The following ARHGEF40 variants were observed in gnomAD, a reference collection of about 807,000 sequenced individuals.
The protein encoded by ARHGEF40 is Rho guanine nucleotide exchange factor (GEF) 40.
Under a neutral mutation model 165.9 loss-of-function variants are expected in ARHGEF40, and 98 were observed. The observed-to-expected ratio is 0.59, with a 90% confidence interval of 0.50 to 0.70. ARHGEF40 has a LOEUF of 0.70. ARHGEF40 is among the 30% of genes least tolerant of loss of function. The probability of loss-of-function intolerance (pLI) is 0.00; values close to 1 mark genes in which losing one functional copy is unlikely to be tolerated. For missense variants in ARHGEF40, 1,815 were observed against 1,968.0 expected, an observed-to-expected ratio of 0.92 and a Z score of 1.47; for synonymous variants, 792 against 814.3, an observed-to-expected ratio of 0.97 and a Z score of 0.47.
At position 21,074,881 on chromosome 14, in the gene ARHGEF40, G is replaced by A. The variant is rs140605954; in HGVS notation, c.1151G>A (p.Arg384Gln). ...GGCAAAGGAAACAGAAGAAAGAAGCGAGCTGCAGGTCGAGGGGCTCTTAGC... is the reference window on the plus strand; with the variant it reads ...GGCAAAGGAAACAGAAGAAAGAAGCAAGCTGCAGGTCGAGGGGCTCTTAGC... ...RTGKGNRRKK[R>Q]AAGRGALSRG... Residue 384 changes from arginine to glutamine, a missense_variant, in exon 3 of 24, where the codon CGA becomes CAA. Coordinates refer to ENST00000298694, the MANE Select transcript of ARHGEF40 (RefSeq NM_018071.5). This position sits in a 1 kb window ranked among gnomAD's most constrained non-coding sequence, Gnocchi z 4.8. 3.2e-5 allele frequency: 51 copies of A among 1,610,810 alleles called. No individual in the cohort carries two copies. In the African/African-American group the frequency reaches 5.2e-4, roughly 16 times the overall value.
Position 21,075,309 on chromosome 14 carries a change from T to A in ARHGEF40, c.1451-23T>A. 6.2e-7 allele frequency: 1 copy of A among 1,612,958 alleles called. No homozygotes were observed. The highest frequency in any genetic ancestry group is 1.3e-5 in the African/African-American group (1 of 74,990). On this transcript the variant is annotated intron_variant, in intron 3 of 23. Coordinates refer to ENST00000298694, the MANE Select transcript of ARHGEF40 (RefSeq NM_018071.5). The surrounding 1 kb of genome is among the most constrained non-coding windows in gnomAD (Gnocchi z 4.5). ...CAGAACCATCTTAACTTCAGTCCCA[T>A]GTTTCTGTCTGTGTCTGTGCAGGAC...
intron 8 of ARHGEF40, 145 bp from the exon 9 acceptor site, chr14:21,078,032 T>A: frequency 1.5e-6 from 1 of 670,944 alleles, no homozygotes; most frequent in Non-Finnish European, 2.4e-6. Flanking sequence ...CTGCCCAACC[T>A]CATACAATTA....
chr14:21,080,965 G>A lies in ARHGEF40; in HGVS notation c.2589G>A (p.Gln863=), dbSNP rs757555369. Reference sequence around the variant, plus strand: ...ATATCTTTGAACAGCGGCTGGAGCAGGTTGAGAGTGGCCTCCATCGGGCCC... The same window carrying A: ...ATATCTTTGAACAGCGGCTGGAGCAAGTTGAGAGTGGCCTCCATCGGGCCC... ...VLDIFEQRLE[Q]VESGLHRALR... is the part of the protein sequence containing the mutation. Residue 863 remains glutamine, a synonymous_variant, in exon 13 of 24, where the codon CAG becomes CAA. Transcript: ENST00000298694. 6.2e-7 allele frequency: 1 copy of A among 1,614,240 alleles called. No homozygotes were observed. The highest frequency in any genetic ancestry group is 8.5e-7 in the Non-Finnish European group (1 of 1,180,042).
intron 18 of ARHGEF40, 76 bp downstream of exon 18, chr14:21,084,999 T>A (rs1293544949): frequency 6.4e-7 from 1 of 1,551,048 alleles, no homozygotes; most frequent in African/African-American, 1.4e-5. Flanking sequence ...TTCTGGAAAT[T>A]CAGCCCCAAC....
rs1887203114 is a variant in ARHGEF40, at chr14:21,074,162, A to G, written c.432A>G (p.Leu144=). The change falls in exon 3 of 24, where the codon CTA becomes CTG. Residue 144 remains leucine, a synonymous_variant. Transcript: ENST00000298694. The surrounding 1 kb of genome is among the most constrained non-coding windows in gnomAD (Gnocchi z 4.8). ...VPVPNEACAY[L]FTPEWLQGIN... The stretch of plus-strand genomic sequence containing the variant: ...TGCCCAATGAGGCTTGTGCCTACCT[A>G]TTCACACCTGAGTGGCTACAAGGCA... 6.2e-7 allele frequency: 1 copy of G among 1,613,868 alleles called. No individual in the cohort carries two copies. The highest frequency in any genetic ancestry group is 1.3e-5 in the African/African-American group (1 of 74,874).
At position 21,075,828 on chromosome 14, in the gene ARHGEF40, T is replaced by C; in HGVS notation, c.1739+63T>C. ...CTCCTGATTCATGAGGACCCTCACC[T>C]CCTTCTTCTCAGGACACTGACCTTC... is the stretch of plus-strand genomic sequence containing the variant. On this transcript the variant is annotated intron_variant, in intron 5 of 23. Coordinates refer to ENST00000298694, the MANE Select transcript of ARHGEF40 (RefSeq NM_018071.5). The surrounding 1 kb of genome is among the most constrained non-coding windows in gnomAD (Gnocchi z 4.5). The C allele has an allele frequency of 1.3e-6, 2 of 1,571,416 alleles. No homozygotes were observed. The highest frequency in any genetic ancestry group is 8.6e-7 in the Non-Finnish European group (1 of 1,156,294).
At position 21,074,653 on chromosome 14, in the gene ARHGEF40, AG is replaced by A. The variant is rs748624386; in HGVS notation, c.927del (p.Ser310AlafsTer41). On this transcript the variant is annotated frameshift_variant, in exon 3 of 24. Coordinates refer to ENST00000298694, the MANE Select transcript of ARHGEF40 (RefSeq NM_018071.5). LOFTEE classifies it high-confidence loss of function. This position sits in a 1 kb window ranked among gnomAD's most constrained non-coding sequence, Gnocchi z 4.8. ...CAGGATGGAGCACGCCCACCCGGCG[AG>A]GGGAGCAGCACCGGAGCCTCCCCTG... is the stretch of plus-strand genomic sequence containing the variant. ...RGQDGARPPG[E>X]GSSTGASPES... 1 of 1,567,860 alleles carries A rather than the reference AG, an allele frequency of 6.4e-7. No homozygotes were observed. The highest frequency in any genetic ancestry group is 8.6e-7 in the Non-Finnish European group (1 of 1,157,968).
At position 21,072,065 on chromosome 14, in the gene ARHGEF40, GA is replaced by G. The variant is rs945580509; in HGVS notation, c.4-971del. Among the ~76,000 whole-genome samples, 1 of 151,188 alleles carries G rather than the reference GA, an allele frequency of 6.6e-6. No individual in the cohort carries two copies. The highest frequency in any genetic ancestry group is 1.9e-4 in the East Asian group (1 of 5,188). On this transcript the variant is annotated intron_variant, in intron 1 of 23. Transcript: ENST00000298694. The surrounding 1 kb of genome is among the most constrained non-coding windows in gnomAD (Gnocchi z 4.1). ...CCCCTTCCCCATTTACAGCAAAAAA[GA>G]AAAAAAAATTCCAGTAAAAGGGACT...
chr14:21,061,774 A>AT, the ARHGEF40 span, among the ~76,000 whole-genome samples: 1 of 152,260 alleles, frequency 6.6e-6, no homozygotes, highest in East Asian at 1.9e-4. Context: ...TAGGCTTGTC[A>AT]TTCTAATTTA....
At chr14:21,077,497 C>T (rs1887525854) in intron 8 of ARHGEF40, among the ~76,000 whole-genome samples, 1 of 151,950 alleles carries the variant, frequency 6.6e-6, no homozygotes, top group African/African-American at 2.4e-5. Flanking sequence ...GAGAAGAGTG[C>T]AAGATAGTGT....
chr14:21,066,795 T>G (rs796095764), upstream of ARHGEF40, among the ~76,000 whole-genome samples: 20 of 152,326 alleles, frequency 1.3e-4, 1 homozygote, highest in South Asian at 4.1e-3. Flanking sequence ...AGAAGACAAG[T>G]TGTTAATTTT....
In ARHGEF40 at chr14:21,087,069, G is replaced by C; in HGVS notation, c.4207G>C (p.Gly1403Arg). Residue 1403 changes from glycine (G) to arginine (R), a missense_variant, in exon 20 of 24, where the codon GGG becomes CGG. Coordinates refer to ENST00000298694, the MANE Select transcript of ARHGEF40 (RefSeq NM_018071.5). Reference protein sequence around the residue: ...NKPFLDIKALGERTLSALLTG... With the variant: ...NKPFLDIKALRERTLSALLTG... ...ACCCTTCCTGGACATCAAAGCCCTT[G>C]GGGAGCGGACGCTGAGTGCCCTGCT... The C allele has an allele frequency of 6.2e-7, 1 of 1,608,518 alleles. No individual in the cohort carries two copies. The highest frequency in any genetic ancestry group is 8.5e-7 in the Non-Finnish European group (1 of 1,177,338).
rs1444261904 is a variant in ARHGEF40, at chr14:21,085,736, C to G, written c.4008C>G (p.Cys1336Trp). Reference protein sequence around the residue: ...LTENIGDSGLCFELWFRRRRA... With the variant: ...LTENIGDSGLWFELWFRRRRA... The stretch of plus-strand genomic sequence containing the variant: ...AAAACATCGGGGACAGCGGACTCTG[C>G]TTTGAGTTGTGGTTTCGGCGGCGGC... The change falls in exon 19 of 24, where the codon TGC becomes TGG. Residue 1336 changes from cysteine (C) to tryptophan (W), a missense_variant. Coordinates refer to ENST00000298694, the MANE Select transcript of ARHGEF40 (RefSeq NM_018071.5). 1.2e-6 allele frequency: 2 copies of G among 1,614,218 alleles called. No homozygotes were observed.
rs556873624 is a variant in ARHGEF40 at position 21,073,144 on chromosome 14, G to A, written c.103G>A (p.Val35Met). The change falls in exon 2 of 24, where the codon GTG (valine) becomes ATG (methionine). Residue 35 changes from valine to methionine, a missense_variant. By Grantham distance (21) the Val-to-Met change is conservative (BLOSUM62 1). Coordinates refer to ENST00000298694, the MANE Select transcript of ARHGEF40 (RefSeq NM_018071.5). The surrounding 1 kb of genome is among the most constrained non-coding windows in gnomAD (Gnocchi z 4.6). ...CACCCTGTTGGGCCAGGTGTTCCAG[G>A]TGGTGGAGAGGACTTATCGGGAGGA... is the stretch of plus-strand genomic sequence containing the variant. ...APTLLGQVFQ[V>M]VERTYREDAL... 2 of 1,614,158 alleles carry A rather than the reference G, an allele frequency of 1.2e-6. No homozygotes were observed. Among genetic ancestry groups the A allele is most frequent in the South Asian group, 2.2e-5 (2 of 91,084 alleles).
intron 1 of ARHGEF40, among the ~76,000 whole-genome samples, chr14:21,071,065 A>G (rs1886789837): frequency 6.6e-6 from 1 of 152,128 alleles, no homozygotes; most frequent in Non-Finnish European, 1.5e-5. Flanking sequence ...GGAGGAGGAA[A>G]GTGCCCCAGA....
chr14:21,087,323 C>T lies in ARHGEF40; in HGVS notation c.4247C>T (p.Ala1416Val). 6.2e-7 allele frequency: 1 copy of T among 1,606,004 alleles called. No individual in the cohort carries two copies. The change falls in exon 21 of 24, where the codon GCC becomes GTC. Residue 1416 changes from alanine to valine, a missense_variant. By Grantham distance (64) the Ala-to-Val change is moderately conservative. Coordinates refer to ENST00000298694, the MANE Select transcript of ARHGEF40 (RefSeq NM_018071.5). Reference sequence around the variant, plus strand: ...CCCCACTCCCCACTCTCTGCAGCCGCCCGCACCCGGGCCTCCGTGGCCGTG... The same window carrying T: ...CCCCACTCCCCACTCTCTGCAGCCGTCCGCACCCGGGCCTCCGTGGCCGTG... ...TLSALLTGRA[A>V]RTRASVAVSS...
chr14:21,070,762 AC>A lies in ARHGEF40; in HGVS notation c.3+367del. ...GGTCCGAGCTCCTTACCCGCGGGAG[AC>A]CCCTGCGGGTTGGTCCTGCAGCGAC... On this transcript the variant is annotated intron_variant, in intron 1 of 23. Transcript: ENST00000298694. This position sits in a 1 kb window ranked among gnomAD's most constrained non-coding sequence, Gnocchi z 4.7. 6.7e-7 allele frequency: 1 copy of A among 1,491,910 alleles called. No individual in the cohort carries two copies. 92.4% of individuals were successfully genotyped at this position (1,491,910 alleles called of 1,614,324 possible). A position where few individuals can be genotyped will look rare whatever the true frequency, so the allele number is the denominator to read the frequency against.
In ARHGEF40 at chr14:21,080,644, AC is replaced by A; in HGVS notation, c.2374-12del. On this transcript the variant is annotated splice_polypyrimidine_tract_variant and intron_variant, in intron 11 of 23. Transcript: ENST00000298694. Reference sequence around the variant, plus strand: ...CCACTCCATGACCCCCTGCCCTCCCACCCCATCTGCCTCAGGTGTTGCAGTG... The same window carrying A: ...CCACTCCATGACCCCCTGCCCTCCCACCCATCTGCCTCAGGTGTTGCAGTG... The A allele has an allele frequency of 6.2e-7, 1 of 1,601,212 alleles. No homozygotes were observed. The highest frequency in any genetic ancestry group is 8.5e-7 in the Non-Finnish European group (1 of 1,173,494).
At chr14:21,086,825 C>A in intron 19 of ARHGEF40, 176 bp from the exon 20 acceptor site, 1 of 573,830 alleles carries the variant, frequency 1.7e-6, no homozygotes, top group South Asian at 2.2e-5. Flanking sequence ...CCATCATTGC[C>A]ATCCATGTTG....
Sources: gnomAD v4.1 joint callset for allele counts (sites outside exome capture counted in the v4.1 genomes callset) on GRCh38, gnomAD v4.1.1 for gene constraint, Gnocchi (gnomAD v3.1) non-coding constraint, MANE v1.5 for transcripts, NCBI Gene and HGNC (gene_info 2026-07-23, HGNC 2026-07-21) for gene names.